OR51E1: variants seen among roughly 807,000 people sequenced by gnomAD.
OR51E1 encodes olfactory receptor 51E1.
Under a neutral mutation model 11.5 loss-of-function variants are expected in OR51E1, and 9 were observed. That is an observed-to-expected ratio of 0.78 (90% CI 0.47 to 1.37). The LOEUF is 1.37. Among genes scored for constraint, OR51E1 ranks in the 40% most tolerant of loss-of-function variants. The probability of loss-of-function intolerance (pLI) is 0.00; values close to 1 mark genes in which losing one functional copy is unlikely to be tolerated. For missense variants in OR51E1, 397 were observed against 410.2 expected (o/e 0.97, Z 0.28); for synonymous variants, 168 against 158.3 (o/e 1.06, Z -0.46).
Position 4,653,127 on chromosome 11 carries a change from T to C in OR51E1, c.601T>C (p.Tyr201His). The change falls in exon 2 of 2, where the codon TAT (tyrosine) becomes CAT (histidine). Residue 201 changes from tyrosine to histidine, a missense_variant. Transcript: ENST00000396952. Reference protein sequence around the residue: ...ACDDIRVNVVYGLIVIISAIG... With the variant: ...ACDDIRVNVVHGLIVIISAIG... ...TGATGATATCCGGGTCAATGTCGTC[T>C]ATGGCCTTATCGTCATCATCTCCGC... 1 of 1,613,790 alleles carries C rather than the reference T, an allele frequency of 6.2e-7. No homozygotes were observed. The highest frequency in any genetic ancestry group is 8.5e-7 in the Non-Finnish European group (1 of 1,179,666).
rs767552615 is a variant in OR51E1, at chr11:4,644,050, G to A, written c.-40+20G>A. 2.0e-5 allele frequency: 3 copies of A among 153,028 alleles called. No individual in the cohort carries two copies. 9.5% of individuals were successfully genotyped at this position (153,028 alleles called of 1,614,324 possible). A position where few individuals can be genotyped will look rare whatever the true frequency, so the allele number is the denominator to read the frequency against. On this transcript the variant is annotated intron_variant, in intron 1 of 1. Coordinates refer to ENST00000396952, the MANE Select transcript of OR51E1 (RefSeq NM_152430.4). ...GTTGAGGTGAGTGCAGGAGGCCAGG[G>A]GCATGTCCAGGTGCATGGGTTACTT...
chr11:4,648,257 G>A (rs1475271518), intron 1 of OR51E1, among the ~76,000 whole-genome samples: 2 of 152,302 alleles, frequency 1.3e-5, no homozygotes, highest in African/African-American at 2.4e-5. Flanking sequence ...GCCCAGTCTT[G>A]CTATTGTGAG....
intron 1 of OR51E1, among the ~76,000 whole-genome samples, chr11:4,644,831 C>A (rs1483355966): frequency 6.6e-6 from 1 of 152,172 alleles, no homozygotes; most frequent in Non-Finnish European, 1.5e-5. Flanking sequence ...CCCTGCAAGA[C>A]CCTGTTACCT....
rs910385898 is a variant in OR51E1, at chr11:4,654,158, A to G, written c.*675A>G. 12 of 167,002 alleles carry G rather than the reference A, an allele frequency of 7.2e-5. No homozygotes were observed. Among genetic ancestry groups the G allele is most frequent in the Non-Finnish European group, 1.5e-5 (1 of 68,116 alleles). 10.3% of individuals were successfully genotyped at this position (167,002 alleles called of 1,614,324 possible). On this transcript the variant is annotated 3_prime_UTR_variant, in exon 2 of 2. Transcript: ENST00000396952. ...TATTATTAGTACCCTCATTGTAGCC[A>G]TGGGAAAATTGATGTTCAGTGGGGA... is the stretch of plus-strand genomic sequence containing the variant.
chr11:4,653,423 G>C lies in OR51E1; in HGVS notation c.897G>C (p.Lys299Asn). Reference protein sequence around the residue: ...LNPIVYGVKTKEIRQRILRLF... With the variant: ...LNPIVYGVKTNEIRQRILRLF... ...CAATTGTCTATGGAGTGAAGACAAA[G>C]GAGATTCGACAGCGCATCCTTCGAC... The change falls in exon 2 of 2, where the codon AAG (lysine) becomes AAC (asparagine). Residue 299 changes from lysine to asparagine, a missense_variant. Coordinates refer to ENST00000396952, the MANE Select transcript of OR51E1 (RefSeq NM_152430.4). 2 of 1,614,138 alleles carry C rather than the reference G, an allele frequency of 1.2e-6. No individual in the cohort carries two copies. Among genetic ancestry groups the C allele is most frequent in the East Asian group, 2.2e-5 (1 of 44,888 alleles).
intron 1 of OR51E1, among the ~76,000 whole-genome samples, chr11:4,645,291 GC>G (rs1334325594): frequency 6.6e-6 from 1 of 152,072 alleles, no homozygotes; most frequent in Non-Finnish European, 1.5e-5. Flanking sequence ...ATGCTGCTGT[GC>G]CCCACCCCAT....
At chr11:4,651,218 A>T (rs1264522886) in intron 1 of OR51E1, among the ~76,000 whole-genome samples, 2 of 152,194 alleles carry the variant, frequency 1.3e-5, no homozygotes, top group African/African-American at 4.8e-5. Context: ...TTCTAATGCC[A>T]TCACCCCTCA....
At position 4,652,940 on chromosome 11, in the gene OR51E1, A is replaced by G. The variant is rs1191581060; in HGVS notation, c.414A>G (p.Val138=). The G allele has an allele frequency of 9.6e-5, 154 of 1,608,070 alleles. No individual in the cohort carries two copies. The highest frequency in any genetic ancestry group is 1.3e-4 in the Non-Finnish European group (150 of 1,176,776). ...GTCACCCACTGCGCCATGCCACAGTACTTACGTTGCCTCGTGTCACCAAAA... is the reference window on the plus strand; with the variant it reads ...GTCACCCACTGCGCCATGCCACAGTGCTTACGTTGCCTCGTGTCACCAAAA... ...AICHPLRHAT[V]LTLPRVTKIG... Residue 138 remains valine (V), a synonymous_variant, in exon 2 of 2, where the codon GTA becomes GTG. Coordinates refer to ENST00000396952, the MANE Select transcript of OR51E1 (RefSeq NM_152430.4).
In OR51E1 at chr11:4,655,445, G is replaced by C. The variant is rs1192467367; in HGVS notation, c.*1962G>C. ...CCACTTGTATTTGTACGAGGCAGTT[G>C]GATAAGTGAAAAATAAAGTACTATT... is the stretch of plus-strand genomic sequence containing the variant. On this transcript the variant is annotated 3_prime_UTR_variant, in exon 2 of 2. Coordinates refer to ENST00000396952, the MANE Select transcript of OR51E1 (RefSeq NM_152430.4). 1 of 166,122 alleles carries C rather than the reference G, an allele frequency of 6.0e-6. No individual in the cohort carries two copies. The highest frequency in any genetic ancestry group is 2.4e-5 in the African/African-American group (1 of 41,400). The allele number at this position is 166,122 out of a possible 1,614,324, so 10.3% of individuals were successfully genotyped here.
rs1240282873 is a variant in OR51E1, at chr11:4,652,963, A to G, written c.437A>G (p.Lys146Arg). The change falls in exon 2 of 2, where the codon AAA becomes AGA. Residue 146 changes from lysine (K) to arginine (R), a missense_variant. Physicochemically the swap from Lys to Arg is conservative, Grantham distance 26. Transcript: ENST00000396952. ...GTACTTACGTTGCCTCGTGTCACCA[A>G]AATTGGTGTGGCTGCTGTGGTGCGG... ...ATVLTLPRVT[K>R]IGVAAVVRGA... 3 of 1,605,840 alleles carry G rather than the reference A, an allele frequency of 1.9e-6. No homozygotes were observed. Among genetic ancestry groups the G allele is most frequent in the Non-Finnish European group, 2.6e-6 (3 of 1,175,548 alleles).
chr11:4,653,074 T>C lies in OR51E1; in HGVS notation c.548T>C (p.Leu183Pro). Reference sequence around the variant, plus strand: ...AATATCCTTTCCCATTCCTACTGCCTACACCAAGATGTCATGAAGCTGGCC... The same window carrying C: ...AATATCCTTTCCCATTCCTACTGCCCACACCAAGATGTCATGAAGCTGGCC... The part of the protein sequence containing the change: ...RSNILSHSYC[L>P]HQDVMKLACD... The change falls in exon 2 of 2, where the codon CTA becomes CCA. Residue 183 changes from leucine to proline, a missense_variant. Physicochemically the swap from Leu to Pro is moderately conservative, Grantham distance 98. Transcript: ENST00000396952. The C allele has an allele frequency of 6.2e-7, 1 of 1,614,082 alleles. No homozygotes were observed. The highest frequency in any genetic ancestry group is 8.5e-7 in the Non-Finnish European group (1 of 1,179,936).
chr11:4,649,163 A>AG (rs1339349468), intron 1 of OR51E1, among the ~76,000 whole-genome samples: 4 of 152,212 alleles, frequency 2.6e-5, no homozygotes, highest in Non-Finnish European at 5.9e-5. Context: ...CTCATAATTC[A>AG]GGGGAAAATA....
At chr11:4,644,942 A>G (rs10742353) in intron 1 of OR51E1, among the ~76,000 whole-genome samples, 66,209 of 151,836 alleles carry the variant, frequency 0.44, 15,647 homozygotes, top group Middle Eastern at 0.54. Flanking sequence ...GAATCCCCCA[A>G]TATCATTCTT....
At position 4,653,557 on chromosome 11, in the gene OR51E1, G is replaced by T; in HGVS notation, c.*74G>T. On this transcript the variant is annotated 3_prime_UTR_variant, in exon 2 of 2. Coordinates refer to ENST00000396952, the MANE Select transcript of OR51E1 (RefSeq NM_152430.4). The stretch of plus-strand genomic sequence containing the variant: ...TTTAATGTTAACATTTTGGAAGACA[G>T]TATTCAGAAAAAAAATTTCCTTAAT... 1.1e-6 allele frequency: 1 copy of T among 945,032 alleles called. No homozygotes were observed. The highest frequency in any genetic ancestry group is 1.6e-6 in the Non-Finnish European group (1 of 626,980). The allele number at this position is 945,032 out of a possible 1,614,324, so 58.5% of individuals were successfully genotyped here.
chr11:4,646,942 G>A (rs1463757744), intron 1 of OR51E1, among the ~76,000 whole-genome samples: 1 of 152,072 alleles, frequency 6.6e-6, no homozygotes, highest in East Asian at 1.9e-4. Context: ...TTAATGTCTT[G>A]GAGCCTCAGT....
At position 4,652,683 on chromosome 11, in the gene OR51E1, C is replaced by T. The variant is rs200858824; in HGVS notation, c.157C>T (p.Arg53Trp). Residue 53 changes from arginine (R) to tryptophan (W), a missense_variant, in exon 2 of 2, where the codon CGG (arginine) becomes TGG (tryptophan). Transcript: ENST00000396952. The part of the protein sequence containing the change: ...LGNLTIIYIV[R>W]TEHSLHEPMY... ...TAACTTGACAATCATCTACATTGTGCGGACTGAGCACAGCCTGCATGAGCC... is the reference window on the plus strand; with the variant it reads ...TAACTTGACAATCATCTACATTGTGTGGACTGAGCACAGCCTGCATGAGCC... 5.3e-5 allele frequency: 86 copies of T among 1,614,022 alleles called. No individual in the cohort carries two copies. Among genetic ancestry groups the T allele is most frequent in the Non-Finnish European group, 6.3e-5 (74 of 1,179,988 alleles).
At position 4,652,640 on chromosome 11, in the gene OR51E1, C is replaced by T. The variant is rs774293016; in HGVS notation, c.114C>T (p.Tyr38=). The change falls in exon 2 of 2, where the codon TAC becomes TAT. Residue 38 remains tyrosine, a synonymous_variant. Transcript: ENST00000396952. Reference sequence around the variant, plus strand: ...TGGCCTTCCCATTGTGCTCCCTCTACCTTATTGCTGTGCTAGGTAACTTGA... The same window carrying T: ...TGGCCTTCCCATTGTGCTCCCTCTATCTTATTGCTGTGCTAGGTAACTTGA... ...FWLAFPLCSL[Y]LIAVLGNLTI... is the part of the protein sequence containing the mutation. 2.8e-5 allele frequency: 45 copies of T among 1,614,020 alleles called. No individual in the cohort carries two copies. The highest frequency in any genetic ancestry group is 3.6e-5 in the Non-Finnish European group (43 of 1,180,014).
chr11:4,651,272 G>A (rs1847094091), intron 1 of OR51E1, among the ~76,000 whole-genome samples: 1 of 152,178 alleles, frequency 6.6e-6, no homozygotes. Flanking sequence ...CTTAGATTGG[G>A]TGGGTCTCCT....
Position 4,653,527 on chromosome 11 carries a change from C to A in OR51E1, c.*44C>A. On this transcript the variant is annotated 3_prime_UTR_variant, in exon 2 of 2. Transcript: ENST00000396952. ...CTTTTCCATTCAGAGTCCTCTGATT[C>A]AGATTTTAATGTTAACATTTTGGAA... 8.3e-7 allele frequency: 1 copy of A among 1,201,450 alleles called. No homozygotes were observed. Among genetic ancestry groups the A allele is most frequent in the South Asian group, 1.5e-5 (1 of 68,302 alleles). 74.4% of individuals were successfully genotyped at this position (1,201,450 alleles called of 1,614,324 possible).
Sources: gnomAD v4.1 joint callset for allele counts (sites outside exome capture counted in the v4.1 genomes callset) on GRCh38, gnomAD v4.1.1 for gene constraint, MANE v1.5 for transcripts, NCBI Gene and HGNC (gene_info 2026-07-23, HGNC 2026-07-21) for gene names.